Variants in EYA1 observed in about 807,000 individuals in gnomAD.
EYA1 encodes protein phosphatase EYA1.
EYA1 carries 16 observed loss-of-function variants against 82.0 expected under a neutral mutation model. The ratio of observed to expected loss-of-function variants is 0.20; its 90% CI spans 0.13 to 0.30. The LOEUF is 0.30. EYA1 is among the 10% of genes least tolerant of loss of function. The pLI, the probability that EYA1 is intolerant of heterozygous loss-of-function variation, is 1.00. For missense variants in EYA1, 633 were observed against 730.7 expected (o/e 0.87, Z 1.54); for synonymous variants, 261 against 264.4 (o/e 0.99, Z 0.12).
rs573684580 is a variant in EYA1, at chr8:71,454,156, G to A, written c.33+81588C>T. Among the ~76,000 whole-genome samples, 43 of 152,158 alleles carry A rather than the reference G, an allele frequency of 2.8e-4. 1 individual carries two copies. The highest frequency in any genetic ancestry group is 8.5e-4 in the Admixed American group (13 of 15,286). On this transcript the variant is annotated intron_variant, in intron 2 of 18. Transcript: ENST00000643681. Reference sequence around the variant, plus strand: ...ATAAAACAGACTTTAAACCAACAAAGATCAAAAGAGACAAAGAAGGCCATT... The same window carrying A: ...ATAAAACAGACTTTAAACCAACAAAAATCAAAAGAGACAAAGAAGGCCATT...
intron 13 of EYA1, 56 bp from the exon 14 acceptor site, chr8:71,216,908 A>T (rs1442437680): frequency 1.9e-6 from 3 of 1,611,360 alleles, no homozygotes; most frequent in African/African-American, 2.7e-5. Flanking sequence ...CATCTTAATT[A>T]GGTAAGTAAT....
Position 71,361,913 on chromosome 8 carries a change from G to A in EYA1, c.-321C>T. On this transcript the variant is annotated 5_prime_UTR_variant, in exon 1 of 18. Coordinates refer to ENST00000340726, the MANE Select transcript of EYA1 (RefSeq NM_000503.6). ...GTTCCCCAGGAAGAAACCCGCCACA[G>A]TGGACGGCAACAGGAAGGCTTAAAG... is the stretch of plus-strand genomic sequence containing the variant. 1 of 985,472 alleles carries A rather than the reference G, an allele frequency of 1.0e-6. No homozygotes were observed. Among genetic ancestry groups the A allele is most frequent in the Non-Finnish European group, 1.2e-6 (1 of 829,976 alleles). 61.0% of individuals were successfully genotyped at this position (985,472 alleles called of 1,614,324 possible). A position where few individuals can be genotyped will look rare whatever the true frequency, so the allele number is the denominator to read the frequency against.
At chr8:71,494,036 A>AAAAAT (rs2129228342) in intron 2 of EYA1, among the ~76,000 whole-genome samples, 1 of 149,042 alleles carries the variant, frequency 6.7e-6, no homozygotes, top group African/African-American at 2.4e-5. Context: ...AAAAAAAAAA[A>AAAAAT]AAAAAAAAAG....
chr8:71,210,870 G>A (rs1808422445), intron 17 of EYA1, among the ~76,000 whole-genome samples: 2 of 152,232 alleles, frequency 1.3e-5, no homozygotes, highest in South Asian at 2.1e-4. Context: ...TGGCACATGT[G>A]TTATCTCTGC....
At chr8:71,507,859 G>C (rs904355994) in intron 2 of EYA1, among the ~76,000 whole-genome samples, 1 of 152,124 alleles carries the variant, frequency 6.6e-6, no homozygotes, top group African/African-American at 2.4e-5. Flanking sequence ...TCCAAACCCA[G>C]GTCCATTCTC....
chr8:71,206,725 G>A (rs188191365), intron 17 of EYA1, among the ~76,000 whole-genome samples: 2 of 152,158 alleles, frequency 1.3e-5, no homozygotes, highest in Non-Finnish European at 2.9e-5. Flanking sequence ...CCTAAAAGAG[G>A]GACTGGGATA....
chr8:71,329,397 A>T (rs560015684), intron 4 of EYA1, among the ~76,000 whole-genome samples: 1 of 152,310 alleles, frequency 6.6e-6, no homozygotes. Flanking sequence ...CAAGCCCAGC[A>T]TCTTTTCACA....
At chr8:71,493,850 C>G (rs1305029179) in intron 2 of EYA1, among the ~76,000 whole-genome samples, 1 of 148,022 alleles carries the variant, frequency 6.8e-6, no homozygotes, top group Non-Finnish European at 1.5e-5. Flanking sequence ...GGTGAAACCC[C>G]GTCTCTACTA....
At chr8:71,503,322 A>C (rs1811952317) in intron 2 of EYA1, among the ~76,000 whole-genome samples, 1 of 151,904 alleles carries the variant, frequency 6.6e-6, no homozygotes, top group South Asian at 2.1e-4. Context: ...AAAATACAAA[A>C]ATTACCTGGG....
intron 2 of EYA1, among the ~76,000 whole-genome samples, chr8:71,390,173 T>C (rs1367530084): frequency 6.6e-6 from 1 of 152,230 alleles, no homozygotes; most frequent in African/African-American, 2.4e-5. Context: ...GTGTTCTTCT[T>C]TTAATATACT....
chr8:71,391,577 T>C (rs1172323609), intron 2 of EYA1, among the ~76,000 whole-genome samples: 1 of 152,208 alleles, frequency 6.6e-6, no homozygotes, highest in Non-Finnish European at 1.5e-5. Context: ...TAAAATCTTA[T>C]GGAGAACGTT....
chr8:71,343,431 G>A (rs1420446382), intron 3 of EYA1, among the ~76,000 whole-genome samples: 1 of 152,158 alleles, frequency 6.6e-6, no homozygotes, highest in Non-Finnish European at 1.5e-5. Flanking sequence ...CCTCACGAAT[G>A]TATTAATCCA....
At chr8:71,272,038 G>C (rs1036099160) in intron 9 of EYA1, 141 bp from the exon 10 acceptor site, 3 of 881,160 alleles carry the variant, frequency 3.4e-6, no homozygotes, top group African/African-American at 1.6e-5. Flanking sequence ...TTTTACTTGC[G>C]CTGGTAAATA....
intron 2 of EYA1, chr8:71,404,140 G>C (rs555571442): frequency 6.6e-6 from 1 of 152,276 alleles, no homozygotes; most frequent in Admixed American, 6.5e-5. Context: ...TCCCTACTTA[G>C]GAGTATTTTG....
intron 1 of EYA1, among the ~76,000 whole-genome samples, chr8:71,357,625 G>C (rs1010790457): frequency 6.6e-6 from 1 of 152,190 alleles, no homozygotes; most frequent in African/African-American, 2.4e-5. Flanking sequence ...TGGCATTACA[G>C]TTATCCAACC....
intron 2 of EYA1, among the ~76,000 whole-genome samples, chr8:71,493,350 T>G (rs1429925196): frequency 6.6e-6 from 1 of 152,240 alleles, no homozygotes; most frequent in Non-Finnish European, 1.5e-5. Context: ...CCCACTGCCC[T>G]ACCTCTACGG....
chr8:71,308,321 T>C (rs934640303), intron 7 of EYA1, among the ~76,000 whole-genome samples: 2 of 152,224 alleles, frequency 1.3e-5, no homozygotes, highest in East Asian at 3.9e-4. Flanking sequence ...GACTTCTTCA[T>C]TGTAACTCCG....
intron 2 of EYA1, among the ~76,000 whole-genome samples, chr8:71,427,199 A>C (rs1223750646): frequency 6.6e-6 from 1 of 151,766 alleles, no homozygotes; most frequent in African/African-American, 2.4e-5. Context: ...CTCTTTTTGG[A>C]TATTGATGTT....
At chr8:71,217,154 GGTGGCAGTCTTGTAAAATTGACATTT>G (rs1259735861) in intron 12 of EYA1, 131 bp from the exon 13 acceptor site, 1 of 699,290 alleles carries the variant, frequency 1.4e-6, no homozygotes, top group Non-Finnish European at 2.5e-6. Flanking sequence ...TCAATCAGTA[GGTGGCAGTCTTGTAAAATTGACATTT>G]TTACCTACTT....
Sources: allele counts gnomAD v4.1 joint callset (sites outside exome capture counted in the v4.1 genomes callset), GRCh38; gene constraint gnomAD v4.1.1; transcripts MANE v1.5; gene names NCBI Gene and HGNC (gene_info 2026-07-23, HGNC 2026-07-21).